Variants in ENTPD1 observed in about 807,000 individuals in gnomAD.
ENTPD1 encodes ectonucleoside triphosphate diphosphohydrolase 1.
ENTPD1 carries 33 observed loss-of-function variants against 57.0 expected under a neutral mutation model. The ratio of observed to expected loss-of-function variants is 0.58; its 90% CI spans 0.44 to 0.77. The LOEUF (loss-of-function observed/expected upper bound fraction) is 0.77. Among genes scored for constraint, ENTPD1 ranks in the 30% least tolerant of loss-of-function variants. The pLI is 0.00. For missense variants in ENTPD1, 501 were observed against 603.4 expected, an observed-to-expected ratio of 0.83 and a Z score of 1.78; for synonymous variants, 202 against 218.8, an observed-to-expected ratio of 0.92 and a Z score of 0.68.
chr10:95,768,104 C>T (rs2098097577), intron 1 of ENTPD1, among the ~76,000 whole-genome samples: 1 of 152,228 alleles, frequency 6.6e-6, no homozygotes, highest in Admixed American at 6.5e-5. Flanking sequence ...AAATAAACTT[C>T]TGTTGTTTAT....
At chr10:95,763,727 T>C (rs970634590) in intron 1 of ENTPD1, among the ~76,000 whole-genome samples, 3 of 151,948 alleles carry the variant, frequency 2.0e-5, no homozygotes, top group African/African-American at 7.3e-5. Context: ...AGTTTTTTTA[T>C]GGTAATTTGT....
rs1479932788 is a variant in ENTPD1 at position 95,873,592 on chromosome 10, GTTTC to G, written c.*7212_*7215del. The G allele has an allele frequency of 5.1e-6, 5 of 985,400 alleles. No individual in the cohort carries two copies. In the African/African-American group the frequency reaches 8.7e-5, roughly 17 times the overall value. 61.0% of individuals were successfully genotyped at this position (985,400 alleles called of 1,614,324 possible). A position where few individuals can be genotyped will look rare whatever the true frequency, so the allele number is the denominator to read the frequency against. ...TAAAAATGGTTTAGAAGTTTAGCTG[GTTTC>G]TTATTACTCCTGTCTATGGATGTTT... On this transcript the variant is annotated 3_prime_UTR_variant, in exon 10 of 10. Coordinates refer to ENST00000371205, the MANE Select transcript of ENTPD1 (RefSeq NM_001776.6).
chr10:95,774,158 T>C (rs2098125334), intron 1 of ENTPD1, among the ~76,000 whole-genome samples: 1 of 152,264 alleles, frequency 6.6e-6, no homozygotes, highest in South Asian at 2.1e-4. Flanking sequence ...GTTCATATCC[T>C]TTGCCCACTT....
intron 1 of ENTPD1, among the ~76,000 whole-genome samples, chr10:95,807,153 G>A (rs528853327): frequency 7.9e-5 from 12 of 152,250 alleles, no homozygotes; most frequent in South Asian, 4.2e-4. Flanking sequence ...GCTGAGCTGC[G>A]GTGGGCTCTG....
intron 1 of ENTPD1, among the ~76,000 whole-genome samples, chr10:95,746,463 TA>T (rs201924902): frequency 6.0e-5 from 9 of 151,110 alleles, no homozygotes; most frequent in African/African-American, 9.7e-5. Flanking sequence ...TCTTGGCCTT[TA>T]AAAAAAAACG....
chr10:95,847,447 T>A lies in ENTPD1; in HGVS notation c.815T>A (p.Val272Asp). The change falls in exon 7 of 10, where the codon GTT becomes GAT. Residue 272 changes from valine (V) to aspartate (D), a missense_variant and splice_region_variant. Physicochemically the swap from Val to Asp is radical, Grantham distance 152 (BLOSUM62 -3). Transcript: ENST00000371205. ...CTTTCAAGTGATTTTTCCATTCAGGTTGCAAGTAATGAAATTCTCAGGGAC... is the reference window on the plus strand; with the variant it reads ...CTTTCAAGTGATTTTTCCATTCAGGATGCAAGTAATGAAATTCTCAGGGAC... ...LWQKLAKDIQ[V>D]ASNEILRDPC... 1.9e-6 allele frequency: 3 copies of A among 1,614,144 alleles called. No homozygotes were observed. Among genetic ancestry groups the A allele is most frequent in the Non-Finnish European group, 2.5e-6 (3 of 1,180,022 alleles).
At chr10:95,701,945 G>A in the ENTPD1 span, among the ~76,000 whole-genome samples, 1 of 151,858 alleles carries the variant, frequency 6.6e-6, no homozygotes, top group African/African-American at 2.4e-5. Flanking sequence ...ATATTTTCAA[G>A]TACTTTTATT....
intron 4 of ENTPD1, 134 bp from the exon 5 acceptor site, chr10:95,844,342 T>C (rs1383856522): frequency 9.8e-6 from 12 of 1,225,698 alleles, no homozygotes; most frequent in Non-Finnish European, 3.6e-6. Context: ...TGTGCGAAGA[T>C]CCCCATCTCT....
In ENTPD1 at chr10:95,873,983, CAT is replaced by C. The variant is rs2098483229; in HGVS notation, c.*7601_*7602del. ...ACCTCCCACTGCGTCCCTCCCACAA[CAT>C]GTGGGAATTCTGGGAGATACAATTC... is the stretch of plus-strand genomic sequence containing the variant. On this transcript the variant is annotated 3_prime_UTR_variant, in exon 10 of 10. Transcript: ENST00000371205. 2.0e-5 allele frequency among the ~76,000 whole-genome samples: 3 copies of C among 152,216 alleles called. No homozygotes were observed. The highest frequency in any genetic ancestry group is 7.2e-5 in the African/African-American group (3 of 41,460).
At position 95,867,886 on chromosome 10, in the gene ENTPD1, A is replaced by G. The variant is rs1369091276; in HGVS notation, c.*1503A>G. 1.0e-6 allele frequency: 1 copy of G among 985,354 alleles called. No homozygotes were observed. Among genetic ancestry groups the G allele is most frequent in the East Asian group, 1.1e-4 (1 of 8,836 alleles). 61.0% of individuals were successfully genotyped at this position (985,354 alleles called of 1,614,324 possible). A position where few individuals can be genotyped will look rare whatever the true frequency, so the allele number is the denominator to read the frequency against. On this transcript the variant is annotated 3_prime_UTR_variant, in exon 10 of 10. Transcript: ENST00000371205. ...TTTTGACAACATCCAGGTGAATATA[A>G]AAACTTAATAAAGCTGTGGAAAGGA...
chr10:95,793,478 C>T (rs1349025990), intron 1 of ENTPD1, among the ~76,000 whole-genome samples: 1 of 152,180 alleles, frequency 6.6e-6, no homozygotes, highest in Non-Finnish European at 1.5e-5. Context: ...CAGTCTCTTT[C>T]TCCCCTTCTC....
chr10:95,809,916 TGCC>T (rs2098295631), intron 1 of ENTPD1, among the ~76,000 whole-genome samples: 1 of 123,300 alleles, frequency 8.1e-6, no homozygotes. Flanking sequence ...ACGGGGCAGC[TGCC>T]GGGCAGAGGT....
chr10:95,847,338 A>ATGT (rs1241952715), intron 6 of ENTPD1, 108 bp from the exon 7 acceptor site: 3 of 1,327,074 alleles, frequency 2.3e-6, no homozygotes, highest in Non-Finnish European at 3.3e-6. Flanking sequence ...TGATTCCAAT[A>ATGT]CCAAGTGGTG....
chr10:95,838,803 G>A (rs1020094588), intron 2 of ENTPD1, among the ~76,000 whole-genome samples: 1 of 151,920 alleles, frequency 6.6e-6, no homozygotes, highest in African/African-American at 2.4e-5. Context: ...CTTAAAAGGG[G>A]GCACCAATTT....
chr10:95,745,409 G>C (rs2098004975), intron 1 of ENTPD1, among the ~76,000 whole-genome samples: 3 of 152,060 alleles, frequency 2.0e-5, no homozygotes, highest in South Asian at 4.1e-4. Context: ...TGGTCTCCTG[G>C]CCTCAAGCAA....
chr10:95,833,044 G>A (rs1233345212), intron 2 of ENTPD1, among the ~76,000 whole-genome samples: 1 of 152,194 alleles, frequency 6.6e-6, no homozygotes, highest in Admixed American at 6.5e-5. Context: ...GAACAAAAGT[G>A]CTGTTCTTAG....
intron 1 of ENTPD1, among the ~76,000 whole-genome samples, chr10:95,717,070 G>A (rs2097972356): frequency 1.3e-5 from 2 of 152,222 alleles, no homozygotes. Flanking sequence ...TGGGATTTAG[G>A]CATAAGGAAC....
At chr10:95,700,759 A>G in the ENTPD1 span, among the ~76,000 whole-genome samples, 5 of 152,036 alleles carry the variant, frequency 3.3e-5, no homozygotes, top group Admixed American at 6.6e-5. Context: ...TACAATAAAT[A>G]TGAATAAGTT....
intron 1 of ENTPD1, among the ~76,000 whole-genome samples, chr10:95,786,300 G>T (rs960415354): frequency 6.6e-6 from 1 of 152,098 alleles, no homozygotes; most frequent in Admixed American, 6.6e-5. Flanking sequence ...GGCCACCAGA[G>T]GTATTTCTTT....
Sources: gnomAD v4.1 joint callset for allele counts (sites outside exome capture counted in the v4.1 genomes callset) on GRCh38, gnomAD v4.1.1 for gene constraint, MANE v1.5 for transcripts, NCBI Gene and HGNC (gene_info 2026-07-23, HGNC 2026-07-21) for gene names.